RIMBP2: variants seen among roughly 807,000 people sequenced by gnomAD.
RIMBP2 encodes RIMS-binding protein 2.
In RIMBP2, 48 loss-of-function variants were observed where a neutral mutation model predicts 118.6. That is an observed-to-expected ratio of 0.40 (90% CI 0.32 to 0.51). The LOEUF (loss-of-function observed/expected upper bound fraction) is 0.51, where lower values mean the gene tolerates loss of function less well. Ranked by LOEUF, RIMBP2 falls within the 20% of genes least tolerant of loss-of-function variation. The pLI, the probability that RIMBP2 is intolerant of heterozygous loss-of-function variation, is 0.41. For synonymous variants in RIMBP2, 762 were observed against 742.9 expected, an observed-to-expected ratio of 1.03 and a Z score of -0.42; for missense variants, 1,551 against 1,768.3, an observed-to-expected ratio of 0.88 and a Z score of 2.20.
At chr12:130,443,141 TG>T (rs2078268918) in intron 10 of RIMBP2, among the ~76,000 whole-genome samples, 1 of 152,074 alleles carries the variant, frequency 6.6e-6, no homozygotes, top group Admixed American at 6.6e-5. Flanking sequence ...GGTGATTTCC[TG>T]GCCCCCTTGA....
intron 2 of RIMBP2, among the ~76,000 whole-genome samples, chr12:130,561,430 G>A (rs146415007): frequency 2.0e-4 from 31 of 152,246 alleles, no homozygotes; most frequent in Middle Eastern, 3.4e-3. Flanking sequence ...AAAGAGGAGC[G>A]TCAGATAGTT....
intron 2 of RIMBP2, among the ~76,000 whole-genome samples, chr12:130,594,066 T>C (rs2059424267): frequency 6.6e-6 from 1 of 152,222 alleles, no homozygotes. Flanking sequence ...TTTACCCTCC[T>C]AACATTCCGG....
chr12:130,439,361 G>A (rs562549868), intron 11 of RIMBP2, among the ~76,000 whole-genome samples: 33 of 150,696 alleles, frequency 2.2e-4, no homozygotes, highest in East Asian at 5.9e-4. Context: ...GTGGGCATGC[G>A]TATGTGTGTA....
rs1445082529 is a variant in RIMBP2, at chr12:130,506,784, G to A, written c.-126-14C>T. The A allele has an allele frequency of 9.1e-6, 9 of 985,512 alleles. No homozygotes were observed. Among genetic ancestry groups the A allele is most frequent in the African/African-American group, 1.7e-5 (1 of 57,198 alleles). 61.0% of individuals were successfully genotyped at this position (985,512 alleles called of 1,614,324 possible). On this transcript the variant is annotated splice_polypyrimidine_tract_variant and intron_variant, in intron 3 of 22. Transcript: ENST00000690449. ...CTCTGCCTTCACCTGCAAGCGGAAG[G>A]GATGGAGACAAGGAGGTTATCACAA...
rs773406121 is a variant in RIMBP2, at chr12:130,576,265, G to T, written c.-217+52057C>A. Among the ~76,000 whole-genome samples the T allele has an allele frequency of 2.0e-5, 3 of 152,116 alleles. No individual in the cohort carries two copies. The highest frequency in any genetic ancestry group is 4.8e-5 in the African/African-American group (2 of 41,412). ...GTGTAACCAAAACCACAGGCCCAAA[G>T]CAAAAACTACAAACAGGAACGGAGA... is the stretch of plus-strand genomic sequence containing the variant. On this transcript the variant is annotated intron_variant, in intron 2 of 22. Coordinates refer to ENST00000690449, the MANE Select transcript of RIMBP2 (RefSeq NM_001393629.1). This position sits in a 1 kb window ranked among gnomAD's most constrained non-coding sequence, Gnocchi z 4.2.
intron 3 of RIMBP2, 48 bp downstream of exon 3, chr12:130,517,780 C>G: frequency 1.2e-6 from 1 of 828,248 alleles, no homozygotes; most frequent in African/African-American, 1.8e-5. Context: ...TGGCCCAGCC[C>G]GCTCCCTCCA....
intron 4 of RIMBP2, among the ~76,000 whole-genome samples, chr12:130,504,912 C>A (rs1207374674): frequency 6.6e-6 from 1 of 152,180 alleles, no homozygotes; most frequent in Non-Finnish European, 1.5e-5. Context: ...CCCTGGAGGG[C>A]AAGTTGGCCT....
At chr12:130,531,954 T>C (rs577580656) in intron 2 of RIMBP2, among the ~76,000 whole-genome samples, 1 of 131,344 alleles carries the variant, frequency 7.6e-6, no homozygotes, top group African/African-American at 3.1e-5. Context: ...AGGAGGTACG[T>C]CTAATGAGAT....
chr12:130,589,432 C>G (rs1423476072), intron 2 of RIMBP2, among the ~76,000 whole-genome samples: 2 of 152,236 alleles, frequency 1.3e-5, no homozygotes, highest in Non-Finnish European at 2.9e-5. Flanking sequence ...ACTTTCTTCT[C>G]TGCAAACAAA....
rs556980790 is a variant in RIMBP2 at position 130,676,171 on chromosome 12, G to A, written c.-352+40051C>T. On this transcript the variant is annotated intron_variant, in intron 1 of 22. Coordinates refer to ENST00000690449, the MANE Select transcript of RIMBP2 (RefSeq NM_001393629.1). ...ATGCCTGCTATTTATCAGCCACCCCGTTGATGGGGTTTTGCCACAGCAGCC... is the reference window on the plus strand; with the variant it reads ...ATGCCTGCTATTTATCAGCCACCCCATTGATGGGGTTTTGCCACAGCAGCC... Among the ~76,000 whole-genome samples the A allele has an allele frequency of 1.6e-4, 24 of 152,316 alleles. 1 individual carries two copies. In the South Asian group the frequency reaches 2.5e-3, roughly 16 times the overall value.
intron 2 of RIMBP2, among the ~76,000 whole-genome samples, chr12:130,596,489 A>T (rs965868034): frequency 6.6e-6 from 1 of 152,124 alleles, no homozygotes; most frequent in African/African-American, 2.4e-5. Context: ...CAGGGCTCTG[A>T]AACTGAGGCT....
At chr12:130,586,448 A>G (rs564380599) in intron 2 of RIMBP2, among the ~76,000 whole-genome samples, 79 of 152,328 alleles carry the variant, frequency 5.2e-4, no homozygotes, top group Non-Finnish European at 9.6e-4. Flanking sequence ...GGGAAACTCC[A>G]TCTCAAAAAG....
chr12:130,525,724 T>C lies in RIMBP2; in HGVS notation c.-216-7807A>G, dbSNP rs1473257772. 6.6e-6 allele frequency among the ~76,000 whole-genome samples: 1 copy of C among 152,142 alleles called. No homozygotes were observed. Among genetic ancestry groups the C allele is most frequent in the African/African-American group, 2.4e-5 (1 of 41,412 alleles). ...GGGGAGATGACCCAAGGGGCTCATG[T>C]TGGATGATGCAGCAGCTTTGATCCC... On this transcript the variant is annotated intron_variant, in intron 2 of 22. Transcript: ENST00000690449. The surrounding 1 kb of genome is among the most constrained non-coding windows in gnomAD (Gnocchi z 4.4).
intron 1 of RIMBP2, among the ~76,000 whole-genome samples, chr12:130,653,477 G>A (rs1354148073): frequency 6.6e-6 from 1 of 152,222 alleles, no homozygotes; most frequent in African/African-American, 2.4e-5. Flanking sequence ...TCACAGGTTA[G>A]AGTTAAGTGC....
chr12:130,624,286 G>T (rs541817728), intron 2 of RIMBP2, among the ~76,000 whole-genome samples: 4 of 152,296 alleles, frequency 2.6e-5, no homozygotes, highest in Admixed American at 2.0e-4. Flanking sequence ...TGATGACAGT[G>T]GTTAGCTTGG....
Position 130,620,479 on chromosome 12 carries a change from C to T in RIMBP2, c.-217+7843G>A, listed in dbSNP as rs1436843397. ...CCTCACGTTAGTTTCCTCCAGCCGCCGTGACAAAGTACGACAAGCCAGGAG... is the reference window on the plus strand; with the variant it reads ...CCTCACGTTAGTTTCCTCCAGCCGCTGTGACAAAGTACGACAAGCCAGGAG... On this transcript the variant is annotated intron_variant, in intron 2 of 22. Coordinates refer to ENST00000690449, the MANE Select transcript of RIMBP2 (RefSeq NM_001393629.1). This position sits in a 1 kb window ranked among gnomAD's most constrained non-coding sequence, Gnocchi z 5.3. Among the ~76,000 whole-genome samples, 6 of 152,172 alleles carry T rather than the reference C, an allele frequency of 3.9e-5. No individual in the cohort carries two copies. The highest frequency in any genetic ancestry group is 3.9e-4 in the East Asian group (2 of 5,174).
At chr12:130,531,504 C>T (rs997543550) in intron 2 of RIMBP2, among the ~76,000 whole-genome samples, 1 of 152,146 alleles carries the variant, frequency 6.6e-6, no homozygotes, top group African/African-American at 2.4e-5. Context: ...AAATAGCAGC[C>T]CTTCATTACT....
At chr12:130,438,335 A>ACCCACCCCC in intron 12 of RIMBP2, 30 bp downstream of exon 12, 39 of 864,906 alleles carry the variant, frequency 4.5e-5, no homozygotes, top group Middle Eastern at 2.3e-4. Flanking sequence ...GGCCTAACAA[A>ACCCACCCCC]CCCTCCCCAC....
intron 2 of RIMBP2, among the ~76,000 whole-genome samples, chr12:130,594,577 A>T (rs2059447563): frequency 6.6e-6 from 1 of 152,334 alleles, no homozygotes; most frequent in South Asian, 2.1e-4. Context: ...TTGCAAAAAA[A>T]TCTCATAGTG....
Sources: gnomAD v4.1 joint callset for allele counts (sites outside exome capture counted in the v4.1 genomes callset) on GRCh38, gnomAD v4.1.1 for gene constraint, Gnocchi (gnomAD v3.1) non-coding constraint, MANE v1.5 for transcripts, NCBI Gene and HGNC (gene_info 2026-07-23, HGNC 2026-07-21) for gene names.